Variants in MVB12B observed in about 807,000 individuals in gnomAD.
MVB12B encodes ESCRT-I complex subunit MVB12B.
A neutral mutation model predicts 41.6 loss-of-function variants in MVB12B; 16 were observed. That is an observed-to-expected ratio of 0.38 (90% CI 0.26 to 0.58). The LOEUF is 0.58. MVB12B is among the 20% of genes least tolerant of loss of function. The pLI, the probability that MVB12B is intolerant of heterozygous loss-of-function variation, is 0.62. For missense variants in MVB12B, 274 were observed against 380.2 expected (o/e 0.72, Z 2.32); for synonymous variants, 133 against 139.7 (o/e 0.95, Z 0.34).
At chr9:126,338,401 C>T (rs1008534747) in intron 1 of MVB12B, among the ~76,000 whole-genome samples, 2 of 152,236 alleles carry the variant, frequency 1.3e-5, no homozygotes, top group African/African-American at 2.4e-5. Flanking sequence ...GGACTCCAGG[C>T]AGAGGGCCAT....
intron 7 of MVB12B, among the ~76,000 whole-genome samples, chr9:126,463,924 C>G (rs1444554242): frequency 6.6e-6 from 1 of 152,176 alleles, no homozygotes; most frequent in Non-Finnish European, 1.5e-5. Context: ...CTTCGTCACT[C>G]CCGTACTTGG....
chr9:126,412,514 T>C (rs1330598255), intron 6 of MVB12B, among the ~76,000 whole-genome samples: 1 of 152,246 alleles, frequency 6.6e-6, no homozygotes, highest in African/African-American at 2.4e-5. Flanking sequence ...ACCACCACGC[T>C]GGATGCTTTC....
intron 6 of MVB12B, among the ~76,000 whole-genome samples, chr9:126,404,762 C>G (rs1289113842): frequency 1.3e-5 from 2 of 152,250 alleles, no homozygotes. Flanking sequence ...ATCCCTCCCT[C>G]GCTTTGAAGC....
intron 7 of MVB12B, among the ~76,000 whole-genome samples, chr9:126,457,568 C>T (rs557963888): frequency 6.8e-4 from 104 of 152,136 alleles, no homozygotes; most frequent in Non-Finnish European, 1.1e-3. Flanking sequence ...ATGTTGTGTA[C>T]GGGTAGAGAT....
At chr9:126,490,343 C>T (rs1325991116) in intron 9 of MVB12B, among the ~76,000 whole-genome samples, 5 of 152,180 alleles carry the variant, frequency 3.3e-5, no homozygotes, top group Non-Finnish European at 7.3e-5. Flanking sequence ...AGGCAGCAGC[C>T]TTGGGTGTAG....
chr9:126,498,775 A>G (rs554146642), intron 9 of MVB12B, among the ~76,000 whole-genome samples: 2 of 152,134 alleles, frequency 1.3e-5, no homozygotes, highest in Non-Finnish European at 2.9e-5. Context: ...TCTCGTCTGG[A>G]GCCCTCTAGA....
chr9:126,358,389 G>A (rs566684972), intron 2 of MVB12B, among the ~76,000 whole-genome samples: 3 of 151,554 alleles, frequency 2.0e-5, no homozygotes, highest in Admixed American at 2.0e-4. Context: ...TAAATGTGTG[G>A]GTCAATTCGC....
chr9:126,440,928 G>A (rs1258581018), intron 7 of MVB12B, among the ~76,000 whole-genome samples: 1 of 152,232 alleles, frequency 6.6e-6, no homozygotes, highest in Admixed American at 6.5e-5. Flanking sequence ...GAGAGTAATG[G>A]TGTGCTGATT....
intron 7 of MVB12B, among the ~76,000 whole-genome samples, chr9:126,476,395 C>G (rs558487847): frequency 6.6e-6 from 1 of 152,150 alleles, no homozygotes; most frequent in African/African-American, 2.4e-5. Flanking sequence ...TGCAGACAAA[C>G]GGGAAGTGCC....
rs756948729 is a variant in MVB12B, at chr9:126,468,502, C to T, written c.758-12867C>T. Reference sequence around the variant, plus strand: ...TCTCCCAGCTCTTTAGGCCAGGATCCTGGGGTCACCCTTGATTCCGCCTTG... The same window carrying T: ...TCTCCCAGCTCTTTAGGCCAGGATCTTGGGGTCACCCTTGATTCCGCCTTG... On this transcript the variant is annotated intron_variant, in intron 7 of 9. Coordinates refer to ENST00000361171, the MANE Select transcript of MVB12B (RefSeq NM_033446.3). This position sits in a 1 kb window ranked among gnomAD's most constrained non-coding sequence, Gnocchi z 4.3. Among the ~76,000 whole-genome samples the T allele has an allele frequency of 1.3e-5, 2 of 152,206 alleles. No homozygotes were observed. The highest frequency in any genetic ancestry group is 2.9e-5 in the Non-Finnish European group (2 of 68,032).
intron 8 of MVB12B, among the ~76,000 whole-genome samples, chr9:126,483,547 C>G (rs1322559344): frequency 6.6e-6 from 1 of 152,150 alleles, no homozygotes; most frequent in Non-Finnish European, 1.5e-5. Flanking sequence ...CTTACCCAGA[C>G]ACAGTGGCTG....
intron 2 of MVB12B, among the ~76,000 whole-genome samples, chr9:126,366,308 A>T (rs1012025666): frequency 2.0e-5 from 3 of 151,770 alleles, no homozygotes; most frequent in Non-Finnish European, 4.4e-5. Flanking sequence ...TCTCAACCTC[A>T]TCTCTACTTT....
rs1443613299 is a variant in MVB12B at position 126,404,103 on chromosome 9, G to A, written c.662+8406G>A. ...CAAGTAGCTGGGACTACAAACATGT[G>A]CCACCACGCCTAGCTAATTTTTTGT... On this transcript the variant is annotated intron_variant, in intron 6 of 9. Coordinates refer to ENST00000361171, the MANE Select transcript of MVB12B (RefSeq NM_033446.3). 2.0e-5 allele frequency among the ~76,000 whole-genome samples: 3 copies of A among 151,894 alleles called. No individual in the cohort carries two copies. In the East Asian group the frequency reaches 5.8e-4, roughly 29 times the overall value.
chr9:126,422,066 GCAGGGGACCT>G (rs2119091576), intron 7 of MVB12B, 118 bp downstream of exon 7: 7 of 747,012 alleles, frequency 9.4e-6, no homozygotes, highest in South Asian at 9.2e-5. Context: ...TTTCTTCCCT[GCAGGGGACCT>G]GTTCCCTGCA....
At chr9:126,351,045 C>G (rs1829732590) in intron 2 of MVB12B, among the ~76,000 whole-genome samples, 1 of 151,840 alleles carries the variant, frequency 6.6e-6, no homozygotes, top group African/African-American at 2.4e-5. Flanking sequence ...TTTATTAGTT[C>G]TTCTTTCATT....
At chr9:126,397,468 A>G (rs562608856) in intron 6 of MVB12B, 16 of 985,476 alleles carry the variant, frequency 1.6e-5, no homozygotes, top group East Asian at 1.1e-4. Flanking sequence ...ATGGTTTACA[A>G]TGGCTGCAAG....
At chr9:126,455,145 G>A (rs1832955997) in intron 7 of MVB12B, among the ~76,000 whole-genome samples, 1 of 152,092 alleles carries the variant, frequency 6.6e-6, no homozygotes, top group South Asian at 2.1e-4. Context: ...CTGCGAGCTG[G>A]CTAGAGGTGA....
At chr9:126,359,876 T>C (rs990277584) in intron 2 of MVB12B, among the ~76,000 whole-genome samples, 1 of 152,168 alleles carries the variant, frequency 6.6e-6, no homozygotes, top group Non-Finnish European at 1.5e-5. Flanking sequence ...ATCAATTTAA[T>C]CAATCTTCTC....
intron 7 of MVB12B, chr9:126,481,121 G>T: frequency 1.9e-6 from 1 of 529,032 alleles, no homozygotes. Flanking sequence ...TGCTCCTAGA[G>T]CTCTTGTCTA....
Sources: gnomAD v4.1 joint callset for allele counts (sites outside exome capture counted in the v4.1 genomes callset) on GRCh38, gnomAD v4.1.1 for gene constraint, Gnocchi (gnomAD v3.1) non-coding constraint, MANE v1.5 for transcripts, NCBI Gene and HGNC (gene_info 2026-07-23, HGNC 2026-07-21) for gene names.